CFAP251: variants seen among roughly 807,000 people sequenced by gnomAD.
CFAP251 encodes cilia- and flagella-associated protein 251.
CFAP251 carries 93 observed loss-of-function variants against 126.7 expected under a neutral mutation model. The ratio of observed to expected loss-of-function variants is 0.73; its 90% CI spans 0.62 to 0.87. The LOEUF (loss-of-function observed/expected upper bound fraction) is 0.87. CFAP251 is among the 40% of genes least tolerant of loss of function. The pLI, the probability that CFAP251 is intolerant of heterozygous loss-of-function variation, is 0.00. For synonymous variants in CFAP251, 503 were observed against 506.9 expected (o/e 0.99, Z 0.10); for missense variants, 1,287 against 1,389.2 (o/e 0.93, Z 1.17).
intron 19 of CFAP251, among the ~76,000 whole-genome samples, chr12:121,982,572 T>A (rs1014321441): frequency 1.3e-5 from 2 of 152,104 alleles, no homozygotes; most frequent in Non-Finnish European, 2.9e-5. Flanking sequence ...GAGACGGGGT[T>A]TCTCCATGTT....
In CFAP251 at chr12:122,002,787, A is replaced by C. The variant is rs562613345; in HGVS notation, c.3338-865A>C. Among the ~76,000 whole-genome samples, 3 of 152,170 alleles carry C rather than the reference A, an allele frequency of 2.0e-5. No individual in the cohort carries two copies. In the South Asian group the frequency reaches 6.2e-4, roughly 32 times the overall value. On this transcript the variant is annotated intron_variant, in intron 21 of 21. Transcript: ENST00000288912. ...TTCTAGGCTCACTGGTACAGGAGCAACTCTGCTGACAAGCCCGGGGATGGT... is the reference window on the plus strand; with the variant it reads ...TTCTAGGCTCACTGGTACAGGAGCACCTCTGCTGACAAGCCCGGGGATGGT...
chr12:121,953,864 A>G, intron 9 of CFAP251: 1 of 441,276 alleles, frequency 2.3e-6, no homozygotes, highest in Non-Finnish European at 4.0e-6. Flanking sequence ...ACAGTGATTA[A>G]CCACTCTCTC....
At chr12:121,926,569 C>A (rs1455242452) in intron 3 of CFAP251, among the ~76,000 whole-genome samples, 2 of 152,156 alleles carry the variant, frequency 1.3e-5, no homozygotes, top group Non-Finnish European at 2.9e-5. Context: ...CTCAAGCAAT[C>A]CTCCCGCCTC....
At chr12:121,986,551 G>A (rs938625341) in intron 19 of CFAP251, among the ~76,000 whole-genome samples, 1 of 151,082 alleles carries the variant, frequency 6.6e-6, no homozygotes, top group African/African-American at 2.4e-5. Context: ...CTCCCACCTC[G>A]GCCTCCCAAA....
chr12:121,935,418 TG>T (rs1214718226), intron 5 of CFAP251, among the ~76,000 whole-genome samples: 1 of 152,260 alleles, frequency 6.6e-6, no homozygotes, highest in African/African-American at 2.4e-5. Flanking sequence ...CTGTAATTCA[TG>T]AACCAATATT....
At chr12:121,921,037 CG>C (rs1880148851) in intron 1 of CFAP251, among the ~76,000 whole-genome samples, 1 of 147,488 alleles carries the variant, frequency 6.8e-6, no homozygotes, top group Admixed American at 6.8e-5. Flanking sequence ...TTAGTAGAAA[CG>C]GGGTTTCATC....
At chr12:121,986,106 C>G (rs1453409187) in intron 19 of CFAP251, among the ~76,000 whole-genome samples, 5 of 152,146 alleles carry the variant, frequency 3.3e-5, no homozygotes, top group Non-Finnish European at 7.3e-5. Flanking sequence ...ATTCTTCTGT[C>G]TCAGCCTCCC....
intron 19 of CFAP251, among the ~76,000 whole-genome samples, chr12:121,993,739 C>G (rs1172565791): frequency 6.6e-6 from 1 of 151,310 alleles, no homozygotes; most frequent in Admixed American, 6.6e-5. Flanking sequence ...GGCAACCACC[C>G]CGTCTGAGAA....
At chr12:121,966,280 C>G (rs1189983857) in intron 15 of CFAP251, among the ~76,000 whole-genome samples, 2 of 102,770 alleles carry the variant, frequency 1.9e-5, no homozygotes, top group Non-Finnish European at 4.0e-5. Context: ...TTCTTCCTTT[C>G]GATGGAGTCT....
intron 3 of CFAP251, among the ~76,000 whole-genome samples, chr12:121,928,742 GC>G (rs1393830828): frequency 6.8e-6 from 1 of 146,366 alleles, no homozygotes; most frequent in Non-Finnish European, 1.5e-5. Flanking sequence ...TGTTGCTCAG[GC>G]TGCAGTGCAG....
chr12:121,928,031 A>T (rs1238688650), intron 3 of CFAP251, among the ~76,000 whole-genome samples: 1 of 152,230 alleles, frequency 6.6e-6, no homozygotes, highest in African/African-American at 2.4e-5. Context: ...CACAATTGTG[A>T]ACGCTGCTCG....
intron 17 of CFAP251, 151 bp downstream of exon 17, chr12:121,968,320 A>G: frequency 1.5e-6 from 1 of 688,938 alleles, no homozygotes; most frequent in East Asian, 2.8e-5. Context: ...CATTGCTCAC[A>G]TTACTCTGCA....
intron 19 of CFAP251, chr12:121,998,432 A>AATAT (rs71082926): frequency 5.3e-4 from 45 of 85,624 alleles, no homozygotes; most frequent in African/African-American, 6.7e-4. Context: ...TTTTTAGTGT[A>AATAT]ATATATATAT....
At chr12:121,956,861 T>C (rs1035591777) in intron 10 of CFAP251, among the ~76,000 whole-genome samples, 1 of 152,196 alleles carries the variant, frequency 6.6e-6, no homozygotes, top group Non-Finnish European at 1.5e-5. Flanking sequence ...CTGCTAAATC[T>C]GGCAACACAA....
intron 17 of CFAP251, among the ~76,000 whole-genome samples, chr12:121,973,290 G>A (rs1160826864): frequency 6.6e-6 from 1 of 152,240 alleles, no homozygotes; most frequent in East Asian, 1.9e-4. Context: ...TGGGGTTTGG[G>A]AACCTCTGCC....
At chr12:121,994,155 G>A (rs1882966650) in intron 19 of CFAP251, among the ~76,000 whole-genome samples, 1 of 88,900 alleles carries the variant, frequency 1.1e-5, no homozygotes, top group African/African-American at 4.7e-5. Context: ...AGGGAGGTGG[G>A]GGGGGTCAGC....
intron 11 of CFAP251, 87 bp from the exon 12 acceptor site, chr12:121,958,185 C>G: frequency 1.9e-6 from 3 of 1,548,136 alleles, no homozygotes; most frequent in Non-Finnish European, 2.6e-6. Flanking sequence ...ACGACAGAGG[C>G]GTTTTATGTG....
At position 121,954,132 on chromosome 12, in the gene CFAP251, C is replaced by T. The variant is rs11043265; in HGVS notation, c.1333C>T (p.Leu445Phe). 149,850 of 1,613,332 alleles carry T rather than the reference C, an allele frequency of 0.093. 19,858 individuals are homozygous for T. The highest frequency in any genetic ancestry group is 0.56 in the African/African-American group (42,250 of 74,856). The change falls in exon 10 of 22, where the codon CTT becomes TTT. Residue 445 changes from leucine to phenylalanine, a missense_variant. Physicochemically the swap from Leu to Phe is conservative, Grantham distance 22. Coordinates refer to ENST00000288912, the MANE Select transcript of CFAP251 (RefSeq NM_144668.6). The part of the protein sequence containing the change: ...PLLTEKTFNK[L>F]VGKFSQSIFH... ...TCTTTTGAAACAGACCTTCAACAAGCTTGTGGGAAAGTTTAGCCAGTCCAT... is the reference window on the plus strand; with the variant it reads ...TCTTTTGAAACAGACCTTCAACAAGTTTGTGGGAAAGTTTAGCCAGTCCAT...
chr12:121,962,819 G>T (rs183300527), intron 15 of CFAP251, among the ~76,000 whole-genome samples: 1 of 152,110 alleles, frequency 6.6e-6, no homozygotes, highest in African/African-American at 2.4e-5. Flanking sequence ...AGGGGGAAGC[G>T]AGGGGCTGCT....
Sources: allele counts gnomAD v4.1 joint callset (sites outside exome capture counted in the v4.1 genomes callset), GRCh38; gene constraint gnomAD v4.1.1; transcripts MANE v1.5; gene names NCBI Gene and HGNC (gene_info 2026-07-23, HGNC 2026-07-21).